LMBR1: variants seen among roughly 807,000 people sequenced by gnomAD.
LMBR1 encodes limb region 1 protein homolog.
Under a neutral mutation model 73.9 loss-of-function variants are expected in LMBR1, and 52 were observed. That is an observed-to-expected ratio of 0.70 (90% CI 0.56 to 0.89). The LOEUF is 0.89. LMBR1 is among the 40% of genes least tolerant of loss of function. The pLI is 0.00. For missense variants in LMBR1, 539 were observed against 579.8 expected (o/e 0.93, Z 0.72); for synonymous variants, 215 against 209.4 (o/e 1.03, Z -0.23).
chr7:156,806,465 A>T (rs66609781), intron 4 of LMBR1, among the ~76,000 whole-genome samples: 56 of 53,454 alleles, frequency 1.0e-3, no homozygotes, highest in Admixed American at 1.7e-3. Context: ...TATTTTTTTT[A>T]AAAAAAACCT....
chr7:156,687,389 C>T (rs1260244954), intron 16 of LMBR1, among the ~76,000 whole-genome samples: 1 of 152,142 alleles, frequency 6.6e-6, no homozygotes, highest in Non-Finnish European at 1.5e-5. Context: ...AAGTATAAAA[C>T]TTGAAATATG....
chr7:156,891,127 G>A (rs1454579180), intron 1 of LMBR1, among the ~76,000 whole-genome samples: 4 of 146,120 alleles, frequency 2.7e-5, no homozygotes. Context: ...GGAGGCAGAG[G>A]TTGCAGTGAG....
intron 1 of LMBR1, among the ~76,000 whole-genome samples, chr7:156,848,829 G>A (rs889147695): frequency 6.6e-6 from 1 of 151,438 alleles, no homozygotes; most frequent in African/African-American, 2.4e-5. Context: ...TACTAGGGAA[G>A]CTCAAGTACA....
In LMBR1 at chr7:156,724,775, TGTGTG is replaced by T. The variant is rs1443420120; in HGVS notation, c.1159-602_1159-598del. Among the ~76,000 whole-genome samples, 13 of 143,474 alleles carry T rather than the reference TGTGTG, an allele frequency of 9.1e-5. No individual in the cohort carries two copies. In the East Asian group the frequency reaches 2.5e-3, roughly 28 times the overall value. The allele number at this position is 143,474 out of a possible 152,430, so 94.1% of individuals were successfully genotyped here. ...GTTTAAAGAAATAGCTGTGTGTGTG[TGTGTG>T]TGTGTGTGTGTGTGTGTGTGTGTGT... On this transcript the variant is annotated intron_variant, in intron 14 of 16. Transcript: ENST00000353442.
chr7:156,788,484 C>T (rs1828560411), intron 5 of LMBR1, among the ~76,000 whole-genome samples: 1 of 151,828 alleles, frequency 6.6e-6, no homozygotes, highest in South Asian at 2.1e-4. Context: ...AAATAGAAAA[C>T]AGCTCAAAAC....
intron 5 of LMBR1, among the ~76,000 whole-genome samples, chr7:156,782,533 T>TTTTGTTTG (rs200705164): frequency 9.2e-5 from 14 of 152,012 alleles, no homozygotes; most frequent in African/African-American, 3.1e-4. Flanking sequence ...CTCATTGCAG[T>TTTTGTTTG]TTTGTTTGTT....
intron 2 of LMBR1, 143 bp downstream of exon 2, chr7:156,836,670 C>A: frequency 2.0e-6 from 1 of 489,104 alleles, no homozygotes; most frequent in East Asian, 3.4e-5. Context: ...ATTTTTAGGT[C>A]TCCTAGTACC....
At chr7:156,835,195 C>T (rs1837397531) in intron 2 of LMBR1, among the ~76,000 whole-genome samples, 1 of 152,020 alleles carries the variant, frequency 6.6e-6, no homozygotes, top group Admixed American at 6.6e-5. Context: ...TCTTAAATGC[C>T]TAATGTCCTC....
At chr7:156,772,579 G>A (rs1296405482) in intron 5 of LMBR1, among the ~76,000 whole-genome samples, 1 of 152,152 alleles carries the variant, frequency 6.6e-6, no homozygotes, top group Non-Finnish European at 1.5e-5. Flanking sequence ...TGGGTGTGGT[G>A]GCTCGCACCT....
chr7:156,802,094 T>G (rs1253553387), intron 4 of LMBR1, among the ~76,000 whole-genome samples: 2 of 152,030 alleles, frequency 1.3e-5, no homozygotes, highest in African/African-American at 2.4e-5. Context: ...GCGATTCTCC[T>G]GCCTCAGCCT....
rs1453123534 is a variant in LMBR1, at chr7:156,685,943, G to T, written c.1388-1780C>A. Among the ~76,000 whole-genome samples the T allele has an allele frequency of 6.6e-6, 1 of 152,054 alleles. No individual in the cohort carries two copies. Among genetic ancestry groups the T allele is most frequent in the African/African-American group, 2.4e-5 (1 of 41,380 alleles). On this transcript the variant is annotated intron_variant, in intron 16 of 16. Coordinates refer to ENST00000353442, the MANE Select transcript of LMBR1 (RefSeq NM_022458.4). This position sits in a 1 kb window ranked among gnomAD's most constrained non-coding sequence, Gnocchi z 4.1. Reference sequence around the variant, plus strand: ...CTTCCTGTCACCTGCATATCTTAATGAAAGAAAAGGTAAAACTGAGCCTAT... The same window carrying T: ...CTTCCTGTCACCTGCATATCTTAATTAAAGAAAAGGTAAAACTGAGCCTAT...
intron 1 of LMBR1, among the ~76,000 whole-genome samples, chr7:156,844,234 G>C (rs1425093031): frequency 6.6e-6 from 1 of 151,988 alleles, no homozygotes; most frequent in East Asian, 1.9e-4. Context: ...TGAGGCAGGA[G>C]AATCGCTTGA....
intron 5 of LMBR1, among the ~76,000 whole-genome samples, chr7:156,768,819 G>A (rs139017092): frequency 8.4e-4 from 128 of 152,284 alleles, no homozygotes; most frequent in African/African-American, 2.9e-3. Flanking sequence ...AGGCTAGAGA[G>A]TCACATGGCC....
At chr7:156,675,960 G>GGGA, downstream of LMBR1, 1 of 1,310,636 alleles carries the variant, frequency 7.6e-7, no homozygotes, top group Non-Finnish European at 1.1e-6. Context: ...ACTCACTTTG[G>GGGA]GGAGCCTAGG....
rs772910169 is a variant in LMBR1, at chr7:156,686,003, A to G, written c.1388-1840T>C. Among the ~76,000 whole-genome samples the G allele has an allele frequency of 5.9e-5, 9 of 152,172 alleles. No homozygotes were observed. In the South Asian group the frequency reaches 1.0e-3, roughly 18 times the overall value. On this transcript the variant is annotated intron_variant, in intron 16 of 16. Coordinates refer to ENST00000353442, the MANE Select transcript of LMBR1 (RefSeq NM_022458.4). Reference sequence around the variant, plus strand: ...GGAAGGGAAAAAAGAAATCAATCCAACACAAAAAATGGTCAGGTCCCAGGA... The same window carrying G: ...GGAAGGGAAAAAAGAAATCAATCCAGCACAAAAAATGGTCAGGTCCCAGGA...
chr7:156,853,208 A>G (rs983874968), intron 1 of LMBR1, among the ~76,000 whole-genome samples: 6 of 152,136 alleles, frequency 3.9e-5, no homozygotes, highest in Middle Eastern at 3.4e-3. Context: ...AAAGTGCTGG[A>G]ATTACAGGCG....
intron 5 of LMBR1, among the ~76,000 whole-genome samples, chr7:156,777,705 T>C (rs1472128952): frequency 6.6e-6 from 1 of 152,222 alleles, no homozygotes; most frequent in Non-Finnish European, 1.5e-5. Flanking sequence ...CCAAGAACCA[T>C]ATACACCAAC....
In LMBR1 at chr7:156,684,010, T is replaced by C. The variant is rs1389470067; in HGVS notation, c.*68A>G. 1.1e-5 allele frequency: 14 copies of C among 1,273,784 alleles called. No individual in the cohort carries two copies. The highest frequency in any genetic ancestry group is 1.6e-5 in the Non-Finnish European group (14 of 878,670). 78.9% of individuals were successfully genotyped at this position (1,273,784 alleles called of 1,614,324 possible). On this transcript the variant is annotated 3_prime_UTR_variant, in exon 17 of 17. Transcript: ENST00000353442. ...ACGGTTGAATGGAAATGCTTCTACATGGGACAGGAATGTCGTGAATCTGGA... is the reference window on the plus strand; with the variant it reads ...ACGGTTGAATGGAAATGCTTCTACACGGGACAGGAATGTCGTGAATCTGGA...
chr7:156,763,448 A>C (rs927316142), intron 6 of LMBR1, among the ~76,000 whole-genome samples: 76 of 152,156 alleles, frequency 5.0e-4, no homozygotes, highest in African/African-American at 1.7e-3. Context: ...CAAAAACAAA[A>C]AAAAAAAATC....
Sources: allele counts gnomAD v4.1 joint callset (sites outside exome capture counted in the v4.1 genomes callset), GRCh38; gene constraint gnomAD v4.1.1; non-coding constraint Gnocchi (gnomAD v3.1); transcripts MANE v1.5; gene names NCBI Gene and HGNC (gene_info 2026-07-23, HGNC 2026-07-21).